The following CDCA2 variants were observed in gnomAD, a reference collection of about 807,000 sequenced individuals.
CDCA2 encodes cell division cycle associated 2, also known as cell division cycle-associated protein 2.
CDCA2 carries 44 observed loss-of-function variants against 67.0 expected under a neutral mutation model. The ratio of observed to expected loss-of-function variants is 0.66; its 90% CI spans 0.52 to 0.84. CDCA2 has a LOEUF of 0.84. Among genes scored for constraint, CDCA2 ranks in the 40% least tolerant of loss-of-function variants. The pLI is 0.00. For missense variants in CDCA2, 1,253 were observed against 1,203.2 expected (o/e 1.04, Z -0.61); for synonymous variants, 447 against 418.7 (o/e 1.07, Z -0.82).
intron 7 of CDCA2, among the ~76,000 whole-genome samples, chr8:25,473,627 CAG>C (rs1224489030): frequency 3.3e-5 from 5 of 152,284 alleles, no homozygotes; most frequent in East Asian, 1.9e-4. Context: ...GGGACCATAA[CAG>C]AATATGATTA....
Position 25,488,696 on chromosome 8 carries a change from A to G in CDCA2, c.1671+7A>G, listed in dbSNP as rs1358272574. 6.3e-7 allele frequency: 1 copy of G among 1,596,386 alleles called. No individual in the cohort carries two copies. Among genetic ancestry groups the G allele is most frequent in the East Asian group, 2.2e-5 (1 of 44,454 alleles). ...ACTTCCTAAGAAGAGTCAGGTAAGC[A>G]TGTGTTTAAAGATATAATAAAGAGT... On this transcript the variant is annotated splice_region_variant and intron_variant, in intron 13 of 14. Transcript: ENST00000330560.
chr8:25,480,146 C>T (rs764877762), intron 8 of CDCA2, 22 bp downstream of exon 8: 2 of 1,586,828 alleles, frequency 1.3e-6, no homozygotes, highest in South Asian at 1.1e-5. Context: ...GTTAAATTTC[C>T]TAAAGCAAAT....
At chr8:25,497,048 ACT>A (rs147077322) in intron 13 of CDCA2, among the ~76,000 whole-genome samples, 6,711 of 152,134 alleles carry the variant, frequency 0.044, 198 homozygotes, top group South Asian at 0.13. Context: ...GAGCTGGTAA[ACT>A]CTGGTGAGTG....
At chr8:25,467,776 T>G (rs1563261589) in intron 5 of CDCA2, among the ~76,000 whole-genome samples, 1 of 152,184 alleles carries the variant, frequency 6.6e-6, no homozygotes, top group Non-Finnish European at 1.5e-5. Flanking sequence ...GTGGTAGATT[T>G]TTCTTTTCAT....
intron 12 of CDCA2, 85 bp downstream of exon 12, chr8:25,487,419 G>A (rs1803822132): frequency 3.4e-6 from 3 of 871,864 alleles, no homozygotes; most frequent in South Asian, 1.5e-5. Context: ...GATAATGGGT[G>A]AAATCTTAGT....
intron 7 of CDCA2, chr8:25,472,200 C>G (rs937939512): frequency 1.5e-4 from 10 of 64,592 alleles, no homozygotes; most frequent in African/African-American, 3.1e-4. Flanking sequence ...CTGATAGCCT[C>G]AATTTTTTTT....
At chr8:25,499,092 G>T (rs768612345) in intron 13 of CDCA2, among the ~76,000 whole-genome samples, 19 of 151,918 alleles carry the variant, frequency 1.3e-4, no homozygotes, top group Non-Finnish European at 2.8e-4. Context: ...GGGTACATGG[G>T]GTTCTGTACT....
chr8:25,507,032 A>G lies in CDCA2; in HGVS notation c.2366A>G (p.Asp789Gly), dbSNP rs184609056. ...CGTTTAATGCCTAATTCACAAAAAG[A>G]CTGTCATTGTTTAGGAGATGTCTTA... ...CNRLMPNSQK[D>G]CHCLGDVLIE... Residue 789 changes from aspartate to glycine, a missense_variant, in exon 15 of 15, where the codon GAC (aspartate) becomes GGC (glycine). Coordinates refer to ENST00000330560, the MANE Select transcript of CDCA2 (RefSeq NM_152562.4). 2.5e-6 allele frequency: 4 copies of G among 1,614,102 alleles called. No homozygotes were observed. The East Asian group carries it at 6.7e-5, about 27-fold the overall frequency.
At chr8:25,498,562 C>T (rs193139401) in intron 13 of CDCA2, among the ~76,000 whole-genome samples, 1 of 150,154 alleles carries the variant, frequency 6.7e-6, no homozygotes, top group African/African-American at 2.4e-5. Flanking sequence ...ACACACTCTT[C>T]TAAGAAGTAA....
intron 12 of CDCA2, among the ~76,000 whole-genome samples, 187 bp from the exon 13 acceptor site, chr8:25,488,365 T>C (rs1803863444): frequency 6.6e-6 from 1 of 152,232 alleles, no homozygotes. Context: ...CATTTGATAG[T>C]TCAGAAATTG....
rs369624354 is a variant in CDCA2, at chr8:25,507,640, T to C, written c.2974T>C (p.Phe992Leu). The change falls in exon 15 of 15, where the codon TTC becomes CTC. Residue 992 changes from phenylalanine (F) to leucine (L), a missense_variant. Coordinates refer to ENST00000330560, the MANE Select transcript of CDCA2 (RefSeq NM_152562.4). Reference protein sequence around the residue: ...TLANTKATSQFKGYRRRSSLN... With the variant: ...TLANTKATSQLKGYRRRSSLN... ...TGCAAATACTAAAGCCACTTCCCAG[T>C]TCAAAGGCTACCGGAGAAGATCCTC... The C allele has an allele frequency of 6.2e-7, 1 of 1,614,052 alleles. No individual in the cohort carries two copies. Among genetic ancestry groups the C allele is most frequent in the African/African-American group, 1.3e-5 (1 of 74,924 alleles).
chr8:25,500,985 ATC>A (rs1554527495), intron 13 of CDCA2, among the ~76,000 whole-genome samples: 4 of 152,120 alleles, frequency 2.6e-5, no homozygotes, highest in Non-Finnish European at 4.4e-5. Flanking sequence ...TTTGCAACTT[ATC>A]TGTGAGCCCC....
chr8:25,492,225 A>G (rs1354814052), intron 13 of CDCA2, among the ~76,000 whole-genome samples: 2 of 152,194 alleles, frequency 1.3e-5, no homozygotes. Context: ...TGCTGGGATT[A>G]CAGGCTTGAG....
At chr8:25,460,727 A>G (rs1802649938) in intron 3 of CDCA2, among the ~76,000 whole-genome samples, 173 bp downstream of exon 3, 1 of 152,212 alleles carries the variant, frequency 6.6e-6, no homozygotes, top group Non-Finnish European at 1.5e-5. Flanking sequence ...CATTTAGCAT[A>G]GCAGGGATCA....
At chr8:25,499,294 ATTTTTTTTTTT>A (rs34849682) in intron 13 of CDCA2, among the ~76,000 whole-genome samples, 1 of 83,202 alleles carries the variant, frequency 1.2e-5, no homozygotes, top group Non-Finnish European at 2.2e-5. Flanking sequence ...ATGTCCATGA[ATTTTTTTTTTT>A]TTTTTTTTTT....
intron 7 of CDCA2, among the ~76,000 whole-genome samples, chr8:25,471,918 G>T (rs976287741): frequency 2.0e-5 from 3 of 152,212 alleles, no homozygotes; most frequent in Non-Finnish European, 4.4e-5. Flanking sequence ...TTGATGAAAG[G>T]AGTCTGGTGT....
At chr8:25,461,698 T>C (rs1362571703) in intron 3 of CDCA2, among the ~76,000 whole-genome samples, 2 of 152,062 alleles carry the variant, frequency 1.3e-5, no homozygotes, top group Non-Finnish European at 2.9e-5. Context: ...TTGCTGGGGA[T>C]AAAACTGACT....
chr8:25,467,278 G>GT (rs558164815), intron 5 of CDCA2, among the ~76,000 whole-genome samples: 31 of 151,986 alleles, frequency 2.0e-4, no homozygotes, highest in African/African-American at 7.5e-4. Context: ...AAATGATTCT[G>GT]TTTTGAATTC....
chr8:25,464,230 A>G (rs1802812037), intron 4 of CDCA2, among the ~76,000 whole-genome samples: 3 of 152,314 alleles, frequency 2.0e-5, no homozygotes, highest in Admixed American at 1.3e-4. Context: ...CCTGGGCAAC[A>G]TGACAAAACT....
Sources: allele counts gnomAD v4.1 joint callset (sites outside exome capture counted in the v4.1 genomes callset), GRCh38; gene constraint gnomAD v4.1.1; transcripts MANE v1.5; gene names NCBI Gene and HGNC (gene_info 2026-07-23, HGNC 2026-07-21).